RTKN: variants seen among roughly 807,000 people sequenced by gnomAD.
RTKN encodes rhotekin.
RTKN carries 49 observed loss-of-function variants against 63.5 expected under a neutral mutation model. The observed-to-expected ratio is 0.77, with a 90% CI of 0.61 to 0.98. The LOEUF is 0.98. Ranked by LOEUF, RTKN falls within the 50% of genes least tolerant of loss-of-function variation. RTKN has a pLI of 0.00. For synonymous variants in RTKN, 295 were observed against 290.4 expected (o/e 1.02, Z -0.16); for missense variants, 685 against 740.8 (o/e 0.92, Z 0.87).
Position 74,429,872 on chromosome 2 carries a change from C to G in RTKN, c.711G>C (p.Gly237=), listed in dbSNP as rs139539432. The change falls in exon 6 of 12, where the codon GGG becomes GGC. Residue 237 remains glycine (G), a synonymous_variant. Coordinates refer to ENST00000272430, the MANE Select transcript of RTKN (RefSeq NM_001015055.2). The part of the protein sequence containing the change: ...RRVRASLDSA[G]GSGSSPILLP... The stretch of plus-strand genomic sequence containing the variant: ...GCAAGATGGGACTGCTCCCTGAACC[C>G]CCAGCACTGTCCAGCGATGCCCGGA... The G allele has an allele frequency of 2.5e-6, 4 of 1,614,096 alleles. No individual in the cohort carries two copies. The highest frequency in any genetic ancestry group is 3.4e-6 in the Non-Finnish European group (4 of 1,180,050).
intron 6 of RTKN, 65 bp from the exon 7 acceptor site, chr2:74,429,007 G>T: frequency 7.6e-7 from 1 of 1,311,920 alleles, no homozygotes; most frequent in Non-Finnish European, 1.1e-6. Context: ...AACTCTAAGG[G>T]CTGAGCAGAT....
Position 74,426,453 on chromosome 2 carries a change from G to T in RTKN, c.1482C>A (p.Asn494Lys). The change falls in exon 12 of 12, where the codon AAC becomes AAA. Residue 494 changes from asparagine to lysine, a missense_variant. Physicochemically the swap from Asn to Lys is moderately conservative, Grantham distance 94. Coordinates refer to ENST00000272430, the MANE Select transcript of RTKN (RefSeq NM_001015055.2). ...GGGCCACTGAGGCAGGCGAGCAGGGGTTAGGCAGGGCAGGCTGGTCTGTAA... is the reference window on the plus strand; with the variant it reads ...GGGCCACTGAGGCAGGCGAGCAGGGTTTAGGCAGGGCAGGCTGGTCTGTAA... The part of the protein sequence containing the change: ...AMFTDQPALP[N>K]PCSPASVAPA... 1 of 1,612,066 alleles carries T rather than the reference G, an allele frequency of 6.2e-7. No homozygotes were observed. The highest frequency in any genetic ancestry group is 8.5e-7 in the Non-Finnish European group (1 of 1,179,110).
In RTKN at chr2:74,425,924, G is replaced by A; in HGVS notation, c.*319C>T. 1 of 750,276 alleles carries A rather than the reference G, an allele frequency of 1.3e-6. No individual in the cohort carries two copies. Among genetic ancestry groups the A allele is most frequent in the Non-Finnish European group, 2.1e-6 (1 of 473,424 alleles). The allele number at this position is 750,276 out of a possible 1,614,324, so 46.5% of individuals were successfully genotyped here. ...TAATGGTTGATGTGGGAGTCACAAG[G>A]GAGGTATGTTTGCTCCAAGGGTTCT... On this transcript the variant is annotated 3_prime_UTR_variant, in exon 12 of 12. Coordinates refer to ENST00000272430, the MANE Select transcript of RTKN (RefSeq NM_001015055.2).
rs1414766858 is a variant in RTKN, at chr2:74,427,403, C to G, written c.1255+21G>C. Reference sequence around the variant, plus strand: ...ACTCCAGTTCTTCCCAAAGGTTCAACCCAGCCCCCTTCTCTCTTACTCATG... The same window carrying G: ...ACTCCAGTTCTTCCCAAAGGTTCAAGCCAGCCCCCTTCTCTCTTACTCATG... On this transcript the variant is annotated intron_variant, in intron 10 of 11. Transcript: ENST00000272430. 3.7e-6 allele frequency: 6 copies of G among 1,613,666 alleles called. No homozygotes were observed. In the South Asian group the frequency reaches 5.5e-5, roughly 15 times the overall value.
rs778339983 is a variant in RTKN, at chr2:74,430,692, C to T, written c.312-15G>A. 4 of 1,609,268 alleles carry T rather than the reference C, an allele frequency of 2.5e-6. No homozygotes were observed. The highest frequency in any genetic ancestry group is 2.1e-4 in the Middle Eastern group (1 of 4,666). On this transcript the variant is annotated splice_polypyrimidine_tract_variant and intron_variant, in intron 2 of 11. Transcript: ENST00000272430. The stretch of plus-strand genomic sequence containing the variant: ...TGTCAGAAGGCCTGTGGATAAATCA[C>T]AATGTCCTGGCCTGGCCTCTAGCCA...
Position 74,440,436 on chromosome 2 carries a change from G to C in RTKN, c.111+1270C>G. 6 of 986,770 alleles carry C rather than the reference G, an allele frequency of 6.1e-6. No homozygotes were observed. In the South Asian group the frequency reaches 2.8e-4, roughly 46 times the overall value. 61.1% of individuals were successfully genotyped at this position (986,770 alleles called of 1,614,324 possible). A position where few individuals can be genotyped will look rare whatever the true frequency, so the allele number is the denominator to read the frequency against. On this transcript the variant is annotated intron_variant, in intron 1 of 11. Coordinates refer to ENST00000272430, the MANE Select transcript of RTKN (RefSeq NM_001015055.2). ...CTGCTGTCCCCGCTCCCTTCTGCAG[G>C]CCCCTTCCCTTCCAGACAGGAAACC...
intron 11 of RTKN, 115 bp from the exon 12 acceptor site, chr2:74,426,689 A>C (rs1670415239): frequency 2.1e-6 from 3 of 1,427,660 alleles, no homozygotes; most frequent in Non-Finnish European, 2.7e-6. Flanking sequence ...CCTGGATCTC[A>C]GTGGAGATTG....
chr2:74,429,958 C>A lies in RTKN; in HGVS notation c.625G>T (p.Gly209Cys), dbSNP rs113119346. Residue 209 changes from glycine (G) to cysteine (C), a missense_variant, in exon 6 of 12, where the codon GGC (glycine) becomes TGC (cysteine). Transcript: ENST00000272430. The part of the protein sequence containing the change: ...CVEEEGALTG[G>C]PKRLATKLSS... ...AGTTTGGTGGCAAGCCTCTTGGGGC[C>A]GCCAGTCAGGGCCCCCTCTTCTTCC... 16 of 1,614,102 alleles carry A rather than the reference C, an allele frequency of 9.9e-6. No homozygotes were observed. Among genetic ancestry groups the A allele is most frequent in the Non-Finnish European group, 1.4e-5 (16 of 1,180,042 alleles).
intron 6 of RTKN, 50 bp from the exon 7 acceptor site, chr2:74,428,992 G>T: frequency 6.8e-7 from 1 of 1,460,304 alleles, no homozygotes; most frequent in Non-Finnish European, 9.6e-7. Context: ...ATGTTGGCCA[G>T]CAGGAACTCT....
intron 10 of RTKN, 65 bp downstream of exon 10, chr2:74,427,359 C>G: frequency 5.6e-6 from 9 of 1,606,490 alleles, no homozygotes; most frequent in Non-Finnish European, 7.7e-6. Context: ...GAAACAGAGG[C>G]CTTTAGTAAA....
chr2:74,428,624 C>T lies in RTKN; in HGVS notation c.957+7G>A. 6.2e-7 allele frequency: 1 copy of T among 1,610,776 alleles called. No homozygotes were observed. On this transcript the variant is annotated splice_region_variant and intron_variant, in intron 8 of 11. Coordinates refer to ENST00000272430, the MANE Select transcript of RTKN (RefSeq NM_001015055.2). ...CTGCTCCCTTCCACTCCTCAGGGCC[C>T]CCTCACCTGCACCCTGAGGGTACCA...
Position 74,439,533 on chromosome 2 carries a change from C to CAA in RTKN, c.111+2171_111+2172dup, listed in dbSNP as rs576353098. 2.9e-4 allele frequency: 472 copies of CAA among 1,613,916 alleles called. 4 individuals carry two copies. The South Asian group carries it at 4.9e-3, about 17-fold the overall frequency. On this transcript the variant is annotated intron_variant, in intron 1 of 11. Coordinates refer to ENST00000272430, the MANE Select transcript of RTKN (RefSeq NM_001015055.2). ...ATGCAAGTGAAGGAGGTGTGTACTC[C>CAA]AAGGGTCGGGGGATTACCTCCAGGC...
chr2:74,433,980 T>C (rs1241477253), intron 1 of RTKN, among the ~76,000 whole-genome samples: 1 of 152,196 alleles, frequency 6.6e-6, no homozygotes, highest in Non-Finnish European at 1.5e-5. Context: ...TTGCACATAC[T>C]ACCATTTGTG....
intron 1 of RTKN, among the ~76,000 whole-genome samples, chr2:74,437,531 G>A (rs1023735666): frequency 1.3e-5 from 2 of 152,158 alleles, no homozygotes; most frequent in African/African-American, 4.8e-5. Context: ...TTTTTTGGAG[G>A]AGGGTAGGAT....
chr2:74,438,080 A>G (rs906176302), intron 1 of RTKN, among the ~76,000 whole-genome samples: 2 of 152,136 alleles, frequency 1.3e-5, no homozygotes, highest in Non-Finnish European at 2.9e-5. Context: ...GGGACAGCAC[A>G]TACAATATCC....
At position 74,432,518 on chromosome 2, in the gene RTKN, C is replaced by T; in HGVS notation, c.260G>A (p.Gly87Asp). Residue 87 changes from glycine (G) to aspartate (D), a missense_variant, in exon 2 of 12, where the codon GGC becomes GAC. By Grantham distance (94) the Gly-to-Asp change is moderately conservative. Transcript: ENST00000272430. The part of the protein sequence containing the change: ...VCNSRILSYM[G>D]ELQRRKEAQV... ...CGCCTCCTTGCGCCGCTGCAGCTCG[C>T]CCATGTAGCTGAGGATGCGGCTGTT... 6.2e-7 allele frequency: 1 copy of T among 1,613,776 alleles called. No individual in the cohort carries two copies. The highest frequency in any genetic ancestry group is 8.5e-7 in the Non-Finnish European group (1 of 1,180,036).
Position 74,434,350 on chromosome 2 carries a change from G to A in RTKN, c.112-1684C>T, listed in dbSNP as rs529041248. Among the ~76,000 whole-genome samples, 270 of 149,586 alleles carry A rather than the reference G, an allele frequency of 1.8e-3. 1 individual carries two copies. Among genetic ancestry groups the A allele is most frequent in the South Asian group, 0.015 (73 of 4,744 alleles). On this transcript the variant is annotated intron_variant, in intron 1 of 11. Transcript: ENST00000272430. Reference sequence around the variant, plus strand: ...GGCTGGAGTGAAGTGGCATGATCTCGGCTCACTGCAAACTCCGCCTCCCAG... The same window carrying A: ...GGCTGGAGTGAAGTGGCATGATCTCAGCTCACTGCAAACTCCGCCTCCCAG...
intron 1 of RTKN, among the ~76,000 whole-genome samples, chr2:74,440,922 C>T (rs1671333361): frequency 6.6e-6 from 1 of 152,228 alleles, no homozygotes; most frequent in African/African-American, 2.4e-5. Flanking sequence ...GAAGGGAAGG[C>T]TTGGAACTGG....
rs565685133 is a variant in RTKN, at chr2:74,432,293, C to A, written c.311+174G>T. The A allele has an allele frequency of 8.1e-6, 6 of 743,342 alleles. No homozygotes were observed. In the African/African-American group the frequency reaches 1.0e-4, roughly 13 times the overall value. 46.0% of individuals were successfully genotyped at this position (743,342 alleles called of 1,614,324 possible). On this transcript the variant is annotated intron_variant, in intron 2 of 11. Transcript: ENST00000272430. ...CCTGCCCTGGCTACTCACAAATGCG[C>A]CTCTGGGCAACACACAGTGGTGGTA...
Sources: allele counts gnomAD v4.1 joint callset (sites outside exome capture counted in the v4.1 genomes callset), GRCh38; gene constraint gnomAD v4.1.1; transcripts MANE v1.5; gene names NCBI Gene and HGNC (gene_info 2026-07-23, HGNC 2026-07-21).